TECPR1: variants seen among roughly 807,000 people sequenced by gnomAD.
TECPR1 encodes the protein tectonin beta-propeller repeat containing 1.
Under a neutral mutation model 162.4 loss-of-function variants are expected in TECPR1, and 122 were observed. The observed-to-expected ratio is 0.75, with a 90% CI of 0.65 to 0.87. The LOEUF is 0.87. TECPR1 is among the 40% of genes least tolerant of loss of function. The pLI, the probability that TECPR1 is intolerant of heterozygous loss-of-function variation, is 0.00. For synonymous variants in TECPR1, 642 were observed against 670.6 expected, an observed-to-expected ratio of 0.96 and a Z score of 0.66; for missense variants, 1,432 against 1,618.2, an observed-to-expected ratio of 0.88 and a Z score of 1.97.
intron 21 of TECPR1, 73 bp from the exon 22 acceptor site, chr7:98,222,594 G>C (rs960883335): frequency 2.0e-6 from 3 of 1,518,998 alleles, no homozygotes; most frequent in Non-Finnish European, 2.7e-6. Context: ...AGGACCAGCA[G>C]AAATGGGCCT....
chr7:98,218,117 T>C, intron 23 of TECPR1, 75 bp from the exon 24 acceptor site: 1 of 1,251,154 alleles, frequency 8.0e-7, no homozygotes. Context: ...CGGCAGCCGG[T>C]GGCCAGGCCC....
rs767936373 is a variant in TECPR1 at position 98,217,701 on chromosome 7, G to A, written c.3375C>T (p.Tyr1125=). The part of the protein sequence containing the change: ...PHEPKGHGWD[Y]GIGGGWDHIS... ...CGCGGGCCCCGCTCACCCCGATGCC[G>A]TAGTCCCAGCCGTGGCCCTTGGGCT... Residue 1125 remains tyrosine, a synonymous_variant, in exon 25 of 26, where the codon TAC becomes TAT. Coordinates refer to ENST00000447648, the MANE Select transcript of TECPR1 (RefSeq NM_015395.3). 7.8e-5 allele frequency: 121 copies of A among 1,544,982 alleles called. No individual in the cohort carries two copies. Among genetic ancestry groups the A allele is most frequent in the African/African-American group, 6.0e-4 (44 of 72,954 alleles).
rs779132989 is a variant in TECPR1 at position 98,222,452 on chromosome 7, C to T, written c.2998G>A (p.Val1000Met). The change falls in exon 22 of 26, where the codon GTG (valine) becomes ATG (methionine). Residue 1000 changes from valine to methionine, a missense_variant. Val to Met is a conservative substitution (Grantham distance 21, BLOSUM62 1). Coordinates refer to ENST00000447648, the MANE Select transcript of TECPR1 (RefSeq NM_015395.3). Reference protein sequence around the residue: ...ASISIGACYQVWAVARDGSAF... With the variant: ...ASISIGACYQMWAVARDGSAF... ...GAGCCGTCCCTTGCCACGGCCCACACCTGGTAGCAGGCCCCGATGGAGATG... is the reference window on the plus strand; with the variant it reads ...GAGCCGTCCCTTGCCACGGCCCACATCTGGTAGCAGGCCCCGATGGAGATG... 1 of 1,596,124 alleles carries T rather than the reference C, an allele frequency of 6.3e-7. No homozygotes were observed. Among genetic ancestry groups the T allele is most frequent in the South Asian group, 1.1e-5 (1 of 88,024 alleles).
At chr7:98,247,482 T>A (rs1272820931) in intron 2 of TECPR1, among the ~76,000 whole-genome samples, 1 of 152,116 alleles carries the variant, frequency 6.6e-6, no homozygotes, top group Non-Finnish European at 1.5e-5. Flanking sequence ...CTTACAGGTT[T>A]AGTTGAATCT....
rs751102621 is a variant in TECPR1 at position 98,231,011 on chromosome 7, C to T, written c.2232G>A (p.Glu744=). 5.6e-6 allele frequency: 9 copies of T among 1,612,760 alleles called. No homozygotes were observed. Among genetic ancestry groups the T allele is most frequent in the Non-Finnish European group, 7.6e-6 (9 of 1,179,648 alleles). ...CGTGGGCCTCCAGGTCTGGGCTGGG[C>T]TCGCTCACGAAGATGTCCCCCTTGC... The part of the protein sequence containing the change: ...ITCKGDIFVS[E]PSPDLEAHEH... Residue 744 remains glutamate (E), a synonymous_variant, in exon 15 of 26, where the codon GAG becomes GAA. Coordinates refer to ENST00000447648, the MANE Select transcript of TECPR1 (RefSeq NM_015395.3).
chr7:98,236,753 C>G lies in TECPR1; in HGVS notation c.1181+23G>C, dbSNP rs3735257. 2,504 of 1,588,556 alleles carry G rather than the reference C, an allele frequency of 1.6e-3. 68 individuals are homozygous for G. The East Asian group carries it at 0.052, about 33-fold the overall frequency. On this transcript the variant is annotated intron_variant, in intron 10 of 25. Coordinates refer to ENST00000447648, the MANE Select transcript of TECPR1 (RefSeq NM_015395.3). ...ACGGCCCATCCCAGCCTGACTCCTGCGCACCCTGCCACCCCCAGTCACCTG... is the reference window on the plus strand; with the variant it reads ...ACGGCCCATCCCAGCCTGACTCCTGGGCACCCTGCCACCCCCAGTCACCTG...
Position 98,241,615 on chromosome 7 carries a change from A to C in TECPR1, c.658-371T>G, listed in dbSNP as rs1449238141. Among the ~76,000 whole-genome samples the C allele has an allele frequency of 6.6e-6, 1 of 152,112 alleles. No individual in the cohort carries two copies. The highest frequency in any genetic ancestry group is 1.5e-5 in the Non-Finnish European group (1 of 68,014). On this transcript the variant is annotated intron_variant, in intron 6 of 25. Coordinates refer to ENST00000447648, the MANE Select transcript of TECPR1 (RefSeq NM_015395.3). The surrounding 1 kb of genome is among the most constrained non-coding windows in gnomAD (Gnocchi z 5.0). ...GGGAGGCTCCAACTCCCATTCATAA[A>C]CTATCTAAGACGTCAGTTCTTTTTT...
Position 98,235,849 on chromosome 7 carries a change from A to AACAAAAAAAAAAAAAAAAACAAC in TECPR1, c.1181+926_1181+927insGTTGTTTTTTTTTTTTTTTTTGT, listed in dbSNP as rs1554401447. Among the ~76,000 whole-genome samples, 2 of 110,258 alleles carry AACAAAAAAAAAAAAAAAAACAAC rather than the reference A, an allele frequency of 1.8e-5. 1 individual carries two copies. Among genetic ancestry groups the AACAAAAAAAAAAAAAAAAACAAC allele is most frequent in the Non-Finnish European group, 4.1e-5 (2 of 48,570 alleles). 72.3% of individuals were successfully genotyped at this position (110,258 alleles called of 152,430 possible). On this transcript the variant is annotated intron_variant, in intron 10 of 25. Coordinates refer to ENST00000447648, the MANE Select transcript of TECPR1 (RefSeq NM_015395.3). ...TCTCAAAAAAAAAAAAAAAAAAAAA[A>AACAAAAAAAAAAAAAAAAACAAC]AACACCATCTGAGCAGACTAAACCC... is the stretch of plus-strand genomic sequence containing the variant.
intron 2 of TECPR1, 83 bp from the exon 3 acceptor site, chr7:98,246,248 T>C: frequency 5.1e-6 from 4 of 785,686 alleles, no homozygotes; most frequent in Middle Eastern, 3.8e-4. Context: ...AGACTTCTAC[T>C]GTGACTATTT....
chr7:98,246,740 G>A (rs544231668), intron 2 of TECPR1, among the ~76,000 whole-genome samples: 89 of 151,742 alleles, frequency 5.9e-4, no homozygotes, highest in Non-Finnish European at 1.0e-3. Flanking sequence ...ACGCCACCAC[G>A]CCTGGCTAAT....
rs1470441637 is a variant in TECPR1 at position 98,215,785 on chromosome 7, C to G, written c.*1605G>C. The G allele has an allele frequency of 1.3e-5, 2 of 152,232 alleles. No homozygotes were observed. The highest frequency in any genetic ancestry group is 2.1e-4 in the South Asian group (1 of 4,830). The allele number at this position is 152,232 out of a possible 1,614,324, so 9.4% of individuals were successfully genotyped here. On this transcript the variant is annotated 3_prime_UTR_variant, in exon 26 of 26. Transcript: ENST00000447648. ...GGGTGGTTCCAGGTGGCCACCACCG[C>G]CAGGCCCTTCCCGTGATTGATCTGA...
chr7:98,226,672 T>C (rs2116552948), intron 17 of TECPR1: 1 of 1,164,252 alleles, frequency 8.6e-7, no homozygotes, highest in Middle Eastern at 3.9e-4. Flanking sequence ...TCTCGCCTGA[T>C]GATGCCTGTA....
chr7:98,223,529 C>G lies in TECPR1; in HGVS notation c.2747+133G>C, dbSNP rs917795201. ...TTCGGCTTCCCTCTTCACCCTACTC[C>G]CCACTGCTTCTTCCCTTGGGACTGA... On this transcript the variant is annotated intron_variant, in intron 20 of 25. Transcript: ENST00000447648. The G allele has an allele frequency of 7.8e-6, 7 of 903,132 alleles. No individual in the cohort carries two copies. In the African/African-American group the frequency reaches 1.0e-4, roughly 13 times the overall value. 55.9% of individuals were successfully genotyped at this position (903,132 alleles called of 1,614,324 possible). A position where few individuals can be genotyped will look rare whatever the true frequency, so the allele number is the denominator to read the frequency against.
chr7:98,232,845 G>A lies in TECPR1; in HGVS notation c.1800C>T (p.Tyr600=), dbSNP rs758274338. 4.4e-6 allele frequency: 7 copies of A among 1,607,896 alleles called. No individual in the cohort carries two copies. The highest frequency in any genetic ancestry group is 2.2e-5 in the South Asian group (2 of 90,292). The change falls in exon 12 of 26, where the codon TAC becomes TAT. Residue 600 remains tyrosine (Y), a synonymous_variant. Coordinates refer to ENST00000447648, the MANE Select transcript of TECPR1 (RefSeq NM_015395.3). The surrounding 1 kb of genome is among the most constrained non-coding windows in gnomAD (Gnocchi z 4.6). ...TKRELENFRH[Y]EQAVEQSVWV... ...CACCCACCTGCTCCACGGCCTGCTC[G>A]TAGTGTCTGAAGTTCTCCAGCTCCC... is the stretch of plus-strand genomic sequence containing the variant.
At position 98,231,631 on chromosome 7, in the gene TECPR1, C is replaced by T. The variant is rs1446229071; in HGVS notation, c.1974+173G>A. 3.1e-5 allele frequency: 25 copies of T among 809,322 alleles called. No homozygotes were observed. The East Asian group carries it at 3.8e-4, about 12-fold the overall frequency. The allele number at this position is 809,322 out of a possible 1,614,324, so 50.1% of individuals were successfully genotyped here. On this transcript the variant is annotated intron_variant, in intron 13 of 25. Coordinates refer to ENST00000447648, the MANE Select transcript of TECPR1 (RefSeq NM_015395.3). ...ACCCCCATTTCTGTACCCCCTTCCC[C>T]GGGCACCCCCATTTCTGTACCCCTC...
chr7:98,242,542 A>C (rs1326516716), intron 6 of TECPR1, among the ~76,000 whole-genome samples: 1 of 135,746 alleles, frequency 7.4e-6, no homozygotes, highest in African/African-American at 2.8e-5. Flanking sequence ...ACCCACCTAC[A>C]CACCCATCCA....
chr7:98,217,649 G>A, intron 25 of TECPR1, 43 bp downstream of exon 25: 1 of 1,520,394 alleles, frequency 6.6e-7, no homozygotes. Context: ...CCCAGTGCAG[G>A]CACAAGGTGA....
At position 98,223,048 on chromosome 7, in the gene TECPR1, G is replaced by A; in HGVS notation, c.2870C>T (p.Ala957Val). The A allele has an allele frequency of 6.2e-7, 1 of 1,609,688 alleles. No individual in the cohort carries two copies. The highest frequency in any genetic ancestry group is 8.5e-7 in the Non-Finnish European group (1 of 1,178,672). The change falls in exon 21 of 26, where the codon GCC becomes GTC. Residue 957 changes from alanine (A) to valine (V), a missense_variant. Transcript: ENST00000447648. The stretch of plus-strand genomic sequence containing the variant: ...CAGCACATCCCCCTTGTCGCTGACG[G>A]CCCAGAGGGCGATGCTGTGCCCACT... ...EGSGHSIALW[A>V]VSDKGDVLCR... is the part of the protein sequence containing the mutation.
Position 98,215,677 on chromosome 7 carries a change from C to G in TECPR1, c.*1713G>C, listed in dbSNP as rs1047709847. On this transcript the variant is annotated 3_prime_UTR_variant, in exon 26 of 26. Transcript: ENST00000447648. Reference sequence around the variant, plus strand: ...CACCTGCAGACACAGCAGGCCACAGCAGAATGCACAGGTCACTGTTGTAGG... The same window carrying G: ...CACCTGCAGACACAGCAGGCCACAGGAGAATGCACAGGTCACTGTTGTAGG... 6.6e-6 allele frequency: 1 copy of G among 152,292 alleles called. No individual in the cohort carries two copies. Among genetic ancestry groups the G allele is most frequent in the African/African-American group, 2.4e-5 (1 of 41,462 alleles). 9.4% of individuals were successfully genotyped at this position (152,292 alleles called of 1,614,324 possible).
Sources: gnomAD v4.1 joint callset for allele counts (sites outside exome capture counted in the v4.1 genomes callset) on GRCh38, gnomAD v4.1.1 for gene constraint, Gnocchi (gnomAD v3.1) non-coding constraint, MANE v1.5 for transcripts, NCBI Gene and HGNC (gene_info 2026-07-23, HGNC 2026-07-21) for gene names.